ABCA3: variants seen among roughly 807,000 people sequenced by gnomAD.
ABCA3 encodes the protein phospholipid-transporting ATPase ABCA3.
A neutral mutation model predicts 172.8 loss-of-function variants in ABCA3; 88 were observed. The ratio of observed to expected loss-of-function variants is 0.51; its 90% CI spans 0.43 to 0.61. The LOEUF (loss-of-function observed/expected upper bound fraction) is 0.61, where lower values mean the gene tolerates loss of function less well. Ranked by LOEUF, ABCA3 falls within the 20% of genes least tolerant of loss-of-function variation. The pLI is 0.00. For missense variants in ABCA3, 2,164 were observed against 2,301.0 expected (o/e 0.94, Z 1.22); for synonymous variants, 1,066 against 983.8 (o/e 1.08, Z -1.56).
In ABCA3 at chr16:2,277,575, G is replaced by A. The variant is rs777843999; in HGVS notation, c.4983+22C>T. The A allele has an allele frequency of 1.2e-6, 2 of 1,612,394 alleles. No individual in the cohort carries two copies. The highest frequency in any genetic ancestry group is 3.3e-5 in the Admixed American group (2 of 59,946). ...TCCCCCTGCCCCATGAGTGCCCAGT[G>A]GGGCCCCAGGGACTGCCTCACCTTC... On this transcript the variant is annotated intron_variant, in intron 32 of 32. Coordinates refer to ENST00000301732, the MANE Select transcript of ABCA3 (RefSeq NM_001089.3). The surrounding 1 kb of genome is among the most constrained non-coding windows in gnomAD (Gnocchi z 5.3).
chr16:2,302,491 T>TC (rs1405611783), intron 12 of ABCA3, among the ~76,000 whole-genome samples: 1 of 146,984 alleles, frequency 6.8e-6, no homozygotes, highest in Non-Finnish European at 1.5e-5. Context: ...ATATGATTCT[T>TC]TTTTTTTTTT....
Position 2,283,249 on chromosome 16 carries a change from G to T in ABCA3, c.3972C>A (p.Ile1324=). Residue 1324 remains isoleucine (I), a synonymous_variant, in exon 26 of 33, where the codon ATC becomes ATA. Coordinates refer to ENST00000301732, the MANE Select transcript of ABCA3 (RefSeq NM_001089.3). This position sits in a 1 kb window ranked among gnomAD's most constrained non-coding sequence, Gnocchi z 5.4. ...GCAYLILLFL[I]ETNLLQRLRG... is the part of the protein sequence containing the mutation. ...TGAGTCTCTGAAGCAGGTTGGTCTC[G>T]ATGAGGAAGAGCAGGATGAGGTAGG... 1 of 1,613,460 alleles carries T rather than the reference G, an allele frequency of 6.2e-7. No individual in the cohort carries two copies.
At chr16:2,323,883 G>C (rs1193307516) in intron 6 of ABCA3, among the ~76,000 whole-genome samples, 195 bp from the exon 7 acceptor site, 3 of 152,108 alleles carry the variant, frequency 2.0e-5, no homozygotes, top group African/African-American at 7.2e-5. Context: ...GAGCCACACA[G>C]GGGCCCCTTT....
intron 10 of ABCA3, among the ~76,000 whole-genome samples, chr16:2,311,561 C>T (rs1012976560): frequency 6.6e-6 from 1 of 151,530 alleles, no homozygotes; most frequent in African/African-American, 2.4e-5. Context: ...CTCGCTCTGT[C>T]GCCCAGGCTG....
chr16:2,284,323 T>G lies in ABCA3; in HGVS notation c.3818A>C (p.Tyr1273Ser). 1 of 1,613,876 alleles carries G rather than the reference T, an allele frequency of 6.2e-7. No individual in the cohort carries two copies. The highest frequency in any genetic ancestry group is 8.5e-7 in the Non-Finnish European group (1 of 1,179,980). ...GGCGGCGACCTCGGAGGAGGTGCAG[T>G]ACCTCCGCGTCTCGTAGTTCTCGTA... ...SFYENYETRR[Y>S]CTSSEVAAHY... The change falls in exon 25 of 33, where the codon TAC (tyrosine) becomes TCC (serine). Residue 1273 changes from tyrosine (Y) to serine (S), a missense_variant. This residue lies in a region of ABCA3 where 795 missense variants were observed against 881.9 expected (regional missense o/e 0.90). Coordinates refer to ENST00000301732, the MANE Select transcript of ABCA3 (RefSeq NM_001089.3). The surrounding 1 kb of genome is among the most constrained non-coding windows in gnomAD (Gnocchi z 5.9).
At chr16:2,313,552 C>CAAA (rs56389139) in intron 10 of ABCA3, among the ~76,000 whole-genome samples, 198 of 58,686 alleles carry the variant, frequency 3.4e-3, no homozygotes, top group Non-Finnish European at 4.0e-3. Flanking sequence ...GACTCTGTCA[C>CAAA]AAAAAAAAAA....
chr16:2,336,280 A>G (rs2093751575), intron 1 of ABCA3, among the ~76,000 whole-genome samples: 1 of 152,148 alleles, frequency 6.6e-6, no homozygotes, highest in Non-Finnish European at 1.5e-5. Context: ...CCCTGAACAT[A>G]CCCAGCCCAA....
At chr16:2,309,895 C>T (rs1464640517) in intron 10 of ABCA3, among the ~76,000 whole-genome samples, 1 of 151,692 alleles carries the variant, frequency 6.6e-6, no homozygotes, top group Admixed American at 6.6e-5. Context: ...GTTGGGATTA[C>T]AGGTCTGAGC....
At position 2,281,982 on chromosome 16, in the gene ABCA3, G is replaced by A. The variant is rs1327199369; in HGVS notation, c.4036-473C>T. Among the ~76,000 whole-genome samples the A allele has an allele frequency of 6.6e-6, 1 of 152,138 alleles. No homozygotes were observed. The highest frequency in any genetic ancestry group is 1.5e-5 in the Non-Finnish European group (1 of 68,042). ...TTTTTGTATTTTTAGTAGAGACGGA[G>A]TTTCACTGTGTTGGCCAGGCTGGTC... On this transcript the variant is annotated intron_variant, in intron 26 of 32. Coordinates refer to ENST00000301732, the MANE Select transcript of ABCA3 (RefSeq NM_001089.3). The surrounding 1 kb of genome is among the most constrained non-coding windows in gnomAD (Gnocchi z 4.7).
chr16:2,299,698 C>T (rs888388556), intron 13 of ABCA3, among the ~76,000 whole-genome samples, 166 bp from the exon 14 acceptor site: 7 of 152,212 alleles, frequency 4.6e-5, no homozygotes, highest in African/African-American at 1.7e-4. Flanking sequence ...CCTGGCTGCT[C>T]CCCTCCGGTC....
rs2093652339 is a variant in ABCA3 at position 2,279,795 on chromosome 16, A to G, written c.4360-665T>C. ...CTTACTCTGTCTCCCTTACACTGGT[A>G]GAGCGCAGTGGCATGATCTCGGCTC... On this transcript the variant is annotated intron_variant, in intron 28 of 32. Transcript: ENST00000301732. The surrounding 1 kb of genome is among the most constrained non-coding windows in gnomAD (Gnocchi z 4.4). 6.8e-6 allele frequency among the ~76,000 whole-genome samples: 1 copy of G among 146,848 alleles called. No individual in the cohort carries two copies. Among genetic ancestry groups the G allele is most frequent in the Non-Finnish European group, 1.5e-5 (1 of 67,280 alleles).
At chr16:2,295,871 G>T in intron 17 of ABCA3, 131 bp from the exon 18 acceptor site, 3 of 1,224,904 alleles carry the variant, frequency 2.4e-6, no homozygotes, top group Non-Finnish European at 3.5e-6. Flanking sequence ...GTGGGCAGCT[G>T]AAGCAGAATG....
intron 10 of ABCA3, among the ~76,000 whole-genome samples, chr16:2,316,653 G>A (rs1047578469): frequency 6.6e-6 from 1 of 151,488 alleles, no homozygotes; most frequent in Non-Finnish European, 1.5e-5. Flanking sequence ...ACTCCAGACT[G>A]AGCAACAGAG....
chr16:2,331,546 C>G (rs558658157), intron 1 of ABCA3, among the ~76,000 whole-genome samples: 1 of 152,214 alleles, frequency 6.6e-6, no homozygotes, highest in African/African-American at 2.4e-5. Flanking sequence ...TTGCCTGATA[C>G]GTGTGAGGCT....
intron 19 of ABCA3, among the ~76,000 whole-genome samples, 158 bp from the exon 20 acceptor site, chr16:2,289,778 C>T (rs567754371): frequency 6.6e-6 from 1 of 152,192 alleles, no homozygotes; most frequent in Non-Finnish European, 1.5e-5. Context: ...TGTCTCCGGC[C>T]ACCATGCACA....
At position 2,285,379 on chromosome 16, in the gene ABCA3, G is replaced by C. The variant is rs942037476; in HGVS notation, c.3483+63C>G. On this transcript the variant is annotated intron_variant, in intron 23 of 32. Coordinates refer to ENST00000301732, the MANE Select transcript of ABCA3 (RefSeq NM_001089.3). The surrounding 1 kb of genome is among the most constrained non-coding windows in gnomAD (Gnocchi z 4.7). ...CCCAGCTGGTTCCGGTTCTGCACAG[G>C]GGTCCCAGGGCAAGCCCTCTGCGGT... 92 of 1,544,572 alleles carry C rather than the reference G, an allele frequency of 6.0e-5. No individual in the cohort carries two copies. Among genetic ancestry groups the C allele is most frequent in the Non-Finnish European group, 2.6e-6 (3 of 1,142,550 alleles).
intron 10 of ABCA3, among the ~76,000 whole-genome samples, chr16:2,316,673 T>A (rs1002829111): frequency 6.6e-6 from 1 of 150,488 alleles, no homozygotes; most frequent in Non-Finnish European, 1.5e-5. Flanking sequence ...GCAAGACTGC[T>A]CGAAAAAAAA....
intron 19 of ABCA3, among the ~76,000 whole-genome samples, chr16:2,289,961 T>TCACACACACACACACACACACACA (rs3138606): frequency 3.6e-5 from 5 of 138,210 alleles, no homozygotes; most frequent in African/African-American, 1.4e-4. Context: ...GTGAATTACA[T>TCACACACACACACACACACACACA]CACACACACA....
intron 11 of ABCA3, among the ~76,000 whole-genome samples, chr16:2,305,992 G>T (rs1379319165): frequency 2.0e-5 from 3 of 152,172 alleles, no homozygotes; most frequent in Admixed American, 6.5e-5. Context: ...GACCCTGATG[G>T]AAATAATGCT....
Sources: allele counts gnomAD v4.1 joint callset (sites outside exome capture counted in the v4.1 genomes callset), GRCh38; gene constraint gnomAD v4.1.1; regional missense constraint gnomAD v4.1.1; non-coding constraint Gnocchi (gnomAD v3.1); transcripts MANE v1.5; gene names NCBI Gene and HGNC (gene_info 2026-07-23, HGNC 2026-07-21).